B9D1: variants seen among roughly 807,000 people sequenced by gnomAD.
B9D1 encodes B9 domain-containing protein 1.
A neutral mutation model predicts 26.1 loss-of-function variants in B9D1; 20 were observed. The observed-to-expected ratio is 0.77, with a 90% CI of 0.54 to 1.12. The LOEUF (loss-of-function observed/expected upper bound fraction) is 1.12. Ranked by LOEUF, B9D1 falls within the 50% of genes most tolerant of loss-of-function variation. The probability of loss-of-function intolerance (pLI) is 0.00; values close to 1 mark genes in which losing one functional copy is unlikely to be tolerated. For missense variants in B9D1, 260 were observed against 273.7 expected (o/e 0.95, Z 0.35); for synonymous variants, 105 against 103.1 (o/e 1.02, Z -0.11).
rs1416966182 is a variant in B9D1, at chr17:19,359,201, T to A, written c.132+1119A>T. 3.3e-5 allele frequency among the ~76,000 whole-genome samples: 5 copies of A among 152,180 alleles called. No individual in the cohort carries two copies. The highest frequency in any genetic ancestry group is 9.7e-5 in the African/African-American group (4 of 41,438). Reference sequence around the variant, plus strand: ...GAAGCCAGGGAATCTTCTAAAAACATAAGTCAGATCACTTTCTCTGCTGAA... The same window carrying A: ...GAAGCCAGGGAATCTTCTAAAAACAAAAGTCAGATCACTTTCTCTGCTGAA... On this transcript the variant is annotated intron_variant, in intron 2 of 6. Coordinates refer to ENST00000261499, the MANE Select transcript of B9D1 (RefSeq NM_015681.6). This position sits in a 1 kb window ranked among gnomAD's most constrained non-coding sequence, Gnocchi z 5.0.
Position 19,359,434 on chromosome 17 carries a change from C to G in B9D1, c.132+886G>C, listed in dbSNP as rs527901039. Among the ~76,000 whole-genome samples, 1 of 152,300 alleles carries G rather than the reference C, an allele frequency of 6.6e-6. No homozygotes were observed. Among genetic ancestry groups the G allele is most frequent in the Admixed American group, 6.5e-5 (1 of 15,296 alleles). ...CTCTGCTGTTTCTGCCTGGACAGTT[C>G]TCACGGGTTTCCACATGGCTTGTTC... On this transcript the variant is annotated intron_variant, in intron 2 of 6. Coordinates refer to ENST00000261499, the MANE Select transcript of B9D1 (RefSeq NM_015681.6). The surrounding 1 kb of genome is among the most constrained non-coding windows in gnomAD (Gnocchi z 5.0).
intron 2 of B9D1, among the ~76,000 whole-genome samples, chr17:19,358,282 C>T (rs959769294): frequency 2.6e-5 from 4 of 152,168 alleles, no homozygotes; most frequent in Non-Finnish European, 4.4e-5. Context: ...TCCCCATCCT[C>T]ACCTGAGTAT....
rs564119170 is a variant in B9D1 at position 19,346,802 on chromosome 17, A to C, written c.404+467T>G. The C allele has an allele frequency of 1.5e-5, 13 of 850,656 alleles. No individual in the cohort carries two copies. In the African/African-American group the frequency reaches 2.1e-4, roughly 14 times the overall value. The allele number at this position is 850,656 out of a possible 1,614,324, so 52.7% of individuals were successfully genotyped here. A position where few individuals can be genotyped will look rare whatever the true frequency, so the allele number is the denominator to read the frequency against. ...AAGCTCACGCTCTCCTCAGCCTGGC[A>C]GGCACTGTTCCCTGTGCCTGATGTT... On this transcript the variant is annotated intron_variant, in intron 5 of 6. Coordinates refer to ENST00000261499, the MANE Select transcript of B9D1 (RefSeq NM_015681.6).
At chr17:19,373,605 G>C (rs1911990422) in intron 1 of B9D1, among the ~76,000 whole-genome samples, 1 of 152,108 alleles carries the variant, frequency 6.6e-6, no homozygotes, top group African/African-American at 2.4e-5. Context: ...CACCATGTTA[G>C]TCAGGCTGGT....
intron 1 of B9D1, among the ~76,000 whole-genome samples, chr17:19,375,652 G>T (rs1177443310): frequency 1.3e-5 from 2 of 152,164 alleles, no homozygotes; most frequent in Non-Finnish European, 2.9e-5. Flanking sequence ...TGAGGGAGAA[G>T]AATTGCTTGA....
At position 19,362,465 on chromosome 17, in the gene B9D1, G is replaced by A. The variant is rs747052229; in HGVS notation, c.63+42C>T. The A allele has an allele frequency of 1.1e-5, 17 of 1,483,158 alleles. 2 individuals carry two copies. The highest frequency in any genetic ancestry group is 2.4e-4 in the Middle Eastern group (1 of 4,204). The allele number at this position is 1,483,158 out of a possible 1,614,324, so 91.9% of individuals were successfully genotyped here. On this transcript the variant is annotated intron_variant, in intron 1 of 6. Coordinates refer to ENST00000261499, the MANE Select transcript of B9D1 (RefSeq NM_015681.6). ...GGGGGTTGCGGGAAGGGCCCCGGGG[G>A]ACGCTGGGGGGCGGGCCCCGGCGGG...
At chr17:19,376,013 AATATGGT>A (rs1912081946) in intron 1 of B9D1, among the ~76,000 whole-genome samples, 1 of 152,276 alleles carries the variant, frequency 6.6e-6, no homozygotes, top group Admixed American at 6.5e-5. Context: ...GGATAAACAA[AATATGGT>A]ATATCTAAAC....
downstream of B9D1, among the ~76,000 whole-genome samples, chr17:19,342,032 T>C (rs1374716163): frequency 2.6e-5 from 4 of 152,040 alleles, no homozygotes; most frequent in East Asian, 5.8e-4. Flanking sequence ...ACAAGAGATA[T>C]GCCTGCCTGG....
chr17:19,362,715 G>T lies in B9D1; in HGVS notation c.-146C>A. On this transcript the variant is annotated 5_prime_UTR_variant, in exon 1 of 7. Transcript: ENST00000261499. ...TCGCGAAGGCCACGCGAGTGCGCGTGTGGCATGCGCAGGCGCAGTGAACGG... is the reference window on the plus strand; with the variant it reads ...TCGCGAAGGCCACGCGAGTGCGCGTTTGGCATGCGCAGGCGCAGTGAACGG... The T allele has an allele frequency of 1.3e-6, 2 of 1,528,494 alleles. No individual in the cohort carries two copies. The highest frequency in any genetic ancestry group is 1.8e-6 in the Non-Finnish European group (2 of 1,140,920). The allele number at this position is 1,528,494 out of a possible 1,614,324, so 94.7% of individuals were successfully genotyped here. A position where few individuals can be genotyped will look rare whatever the true frequency, so the allele number is the denominator to read the frequency against.
At chr17:19,337,570 A>C, downstream of B9D1, 1 of 691,698 alleles carries the variant, frequency 1.4e-6, no homozygotes, top group Non-Finnish European at 2.4e-6. Flanking sequence ...GTGCCCGTTC[A>C]GTGCAGGGGA....
chr17:19,347,638 G>A lies in B9D1; in HGVS notation c.341+146C>T. ...TGAAAGGTTCTCCTCCCAAATACAG[G>A]CTACAACCCCCCTGGCCACCAGGCT... On this transcript the variant is annotated intron_variant, in intron 4 of 6. Coordinates refer to ENST00000261499, the MANE Select transcript of B9D1 (RefSeq NM_015681.6). This position sits in a 1 kb window ranked among gnomAD's most constrained non-coding sequence, Gnocchi z 4.3. 1.2e-6 allele frequency: 1 copy of A among 832,312 alleles called. No homozygotes were observed. The allele number at this position is 832,312 out of a possible 1,614,324, so 51.6% of individuals were successfully genotyped here. A position where few individuals can be genotyped will look rare whatever the true frequency, so the allele number is the denominator to read the frequency against.
chr17:19,377,882 T>A, exon 1 of B9D1: 2 of 985,302 alleles, frequency 2.0e-6, no homozygotes, highest in Non-Finnish European at 2.4e-6. Flanking sequence ...AACCGCGAGC[T>A]GCAGTCCAAC....
rs774883190 is a variant in B9D1, at chr17:19,362,583, G to A, written c.-14C>T. On this transcript the variant is annotated 5_prime_UTR_variant, in exon 1 of 7. Transcript: ENST00000261499. ...CGCGGTCGCCATGGCAGGTCTGGGG[G>A]TGCCGGGGGGACCCACCTAGGCCGC... 1.3e-6 allele frequency: 2 copies of A among 1,587,794 alleles called. No individual in the cohort carries two copies. Among genetic ancestry groups the A allele is most frequent in the East Asian group, 2.3e-5 (1 of 43,988 alleles).
downstream of B9D1, chr17:19,335,389 CTTTTT>C (rs780936813): frequency 1.9e-6 from 3 of 1,544,920 alleles, no homozygotes; most frequent in Admixed American, 2.0e-5. Context: ...CAACTAATTC[CTTTTT>C]TTTATTAAAG....
downstream of B9D1, chr17:19,341,247 C>T (rs1048232773): frequency 1.3e-5 from 16 of 1,231,636 alleles, no homozygotes; most frequent in Non-Finnish European, 1.6e-5. Flanking sequence ...TTCAGGTCCC[C>T]TTGATGTGGA....
intron 5 of B9D1, chr17:19,346,948 T>C (rs1908886352): frequency 3.3e-6 from 5 of 1,493,892 alleles, no homozygotes; most frequent in Non-Finnish European, 4.4e-6. Context: ...CATACTGCTA[T>C]ATCCTCTTGT....
intron 3 of B9D1, 95 bp downstream of exon 3, chr17:19,357,745 T>C: frequency 1.1e-6 from 1 of 902,004 alleles, no homozygotes; most frequent in Non-Finnish European, 1.9e-6. Flanking sequence ...ACAATCTGAA[T>C]GTGAACAGTC....
At chr17:19,341,435 G>C, downstream of B9D1, 1 of 727,266 alleles carries the variant, frequency 1.4e-6, no homozygotes, top group Non-Finnish European at 1.9e-6. Context: ...GAAGGAGCCC[G>C]TGTAGGAAAA....
chr17:19,346,930 G>T lies in B9D1; in HGVS notation c.404+339C>A. The stretch of plus-strand genomic sequence containing the variant: ...TTTATCATGATTACTGTTCCAAGGT[G>T]TCTGACTCATACTGCTATATCCTCT... On this transcript the variant is annotated intron_variant, in intron 5 of 6. Coordinates refer to ENST00000261499, the MANE Select transcript of B9D1 (RefSeq NM_015681.6). 5.5e-6 allele frequency: 8 copies of T among 1,460,730 alleles called. No individual in the cohort carries two copies. In the South Asian group the frequency reaches 1.1e-4, roughly 21 times the overall value. The allele number at this position is 1,460,730 out of a possible 1,614,324, so 90.5% of individuals were successfully genotyped here. A position where few individuals can be genotyped will look rare whatever the true frequency, so the allele number is the denominator to read the frequency against.
Sources: allele counts gnomAD v4.1 joint callset (sites outside exome capture counted in the v4.1 genomes callset), GRCh38; gene constraint gnomAD v4.1.1; non-coding constraint Gnocchi (gnomAD v3.1); transcripts MANE v1.5; gene names NCBI Gene and HGNC (gene_info 2026-07-23, HGNC 2026-07-21).